Variants in WSCD2 observed in about 807,000 individuals in gnomAD.
The protein encoded by WSCD2 is WSC domain sialate O sulfotransferase 2, also known as sialate:O-sulfotransferase 2.
A neutral mutation model predicts 55.7 loss-of-function variants in WSCD2; 28 were observed. That is an observed-to-expected ratio of 0.50 (90% confidence interval 0.37 to 0.69). The LOEUF is 0.69. Among genes scored for constraint, WSCD2 ranks in the 30% least tolerant of loss-of-function variants. WSCD2 has a pLI of 0.00. For synonymous variants in WSCD2, 301 were observed against 301.9 expected (o/e 1.00, Z 0.03); for missense variants, 616 against 762.1 (o/e 0.81, Z 2.26).
chr12:108,240,262 C>T (rs1244805767), intron 7 of WSCD2, 82 bp from the exon 8 acceptor site: 33 of 1,544,762 alleles, frequency 2.1e-5, no homozygotes, highest in African/African-American at 2.7e-5. Context: ...TGAGGATTCC[C>T]GAGGTGGCCC....
intron 6 of WSCD2, among the ~76,000 whole-genome samples, chr12:108,230,610 CT>C (rs1888645706): frequency 6.6e-6 from 1 of 152,234 alleles, no homozygotes; most frequent in South Asian, 2.1e-4. Flanking sequence ...AAATCTAGGA[CT>C]TCACACCTCT....
chr12:108,195,863 T>G lies in WSCD2; in HGVS notation c.31T>G (p.Tyr11Asp), dbSNP rs1425227086. MAKLWFKFQR[Y>D]FRRKPVRFFT... ...CAAGCTCTGGTTCAAATTCCAGCGG[T>G]ACTTCCGCCGGAAACCTGTGCGCTT... The change falls in exon 2 of 9, where the codon TAC (tyrosine) becomes GAC (aspartate). Residue 11 changes from tyrosine (Y) to aspartate (D), a missense_variant. Tyr to Asp is a radical substitution (Grantham distance 160). Around this residue, in one of 3 missense-constraint regions of WSCD2, gnomAD observed 374 missense variants for 467.4 expected, o/e 0.80. Coordinates refer to ENST00000547525, the MANE Select transcript of WSCD2 (RefSeq NM_014653.4). 1 of 1,613,538 alleles carries G rather than the reference T, an allele frequency of 6.2e-7. No homozygotes were observed. The highest frequency in any genetic ancestry group is 8.5e-7 in the Non-Finnish European group (1 of 1,179,670).
intron 1 of WSCD2, among the ~76,000 whole-genome samples, chr12:108,182,333 C>T (rs1013280237): frequency 6.6e-5 from 10 of 152,138 alleles, no homozygotes; most frequent in Non-Finnish European, 1.0e-4. Context: ...TGGAAGGCAG[C>T]GAGGCATGAC....
intron 1 of WSCD2, among the ~76,000 whole-genome samples, chr12:108,179,837 C>T (rs1395630872): frequency 6.6e-6 from 1 of 152,124 alleles, no homozygotes; most frequent in Non-Finnish European, 1.5e-5. Context: ...ATAGCACTCG[C>T]CTTCTAGAGT....
intron 1 of WSCD2, among the ~76,000 whole-genome samples, chr12:108,182,821 T>C (rs1881958778): frequency 6.6e-6 from 1 of 151,934 alleles, no homozygotes; most frequent in Admixed American, 6.5e-5. Flanking sequence ...AGCATAACTT[T>C]TTCCTCCTTT....
intron 4 of WSCD2, among the ~76,000 whole-genome samples, chr12:108,218,104 T>A (rs1887062797): frequency 4.6e-5 from 7 of 152,176 alleles, no homozygotes; most frequent in Admixed American, 4.6e-4. Context: ...TACCTGCAGC[T>A]CACAAAGTTT....
At chr12:108,208,376 C>T (rs1885693168) in intron 3 of WSCD2, among the ~76,000 whole-genome samples, 1 of 152,114 alleles carries the variant, frequency 6.6e-6, no homozygotes, top group South Asian at 2.1e-4. Context: ...GATGAGGAAA[C>T]CAGGGTACAG....
Position 108,166,724 on chromosome 12 carries a change from TTC to T in WSCD2, c.-551-28554_-551-28553del, listed in dbSNP as rs774245792. On this transcript the variant is annotated intron_variant, in intron 1 of 8. Transcript: ENST00000547525. ...TTTCTTTCTTTCTTTCCCTCCTTCTTTCTCTTTCTTTCTTTCTTTCCTTCTTT... is the reference window on the plus strand; with the variant it reads ...TTTCTTTCTTTCTTTCCCTCCTTCTTTCTTTCTTTCTTTCTTTCCTTCTTT... Among the ~76,000 whole-genome samples, 270 of 119,252 alleles carry T rather than the reference TTC, an allele frequency of 2.3e-3. 1 individual carries two copies. The highest frequency in any genetic ancestry group is 4.1e-3 in the Middle Eastern group (1 of 244). The allele number at this position is 119,252 out of a possible 152,430, so 78.2% of individuals were successfully genotyped here.
chr12:108,229,168 C>A (rs552885180), intron 6 of WSCD2, among the ~76,000 whole-genome samples: 1 of 152,302 alleles, frequency 6.6e-6, no homozygotes, highest in African/African-American at 2.4e-5. Flanking sequence ...GCTCATCAGC[C>A]TGCCAAGAGC....
chr12:108,147,555 C>T (rs1877526323), intron 1 of WSCD2, among the ~76,000 whole-genome samples: 2 of 152,142 alleles, frequency 1.3e-5, no homozygotes, highest in South Asian at 2.1e-4. Flanking sequence ...CTGCCCTACT[C>T]ATTTATTCTT....
rs145510893 is a variant in WSCD2, at chr12:108,248,534, C to T, written c.*191C>T. The T allele has an allele frequency of 9.1e-5, 129 of 1,410,862 alleles. No individual in the cohort carries two copies. The African/African-American group carries it at 1.6e-3, about 17-fold the overall frequency. The allele number at this position is 1,410,862 out of a possible 1,614,324, so 87.4% of individuals were successfully genotyped here. On this transcript the variant is annotated 3_prime_UTR_variant, in exon 9 of 9. Coordinates refer to ENST00000547525, the MANE Select transcript of WSCD2 (RefSeq NM_014653.4). The surrounding 1 kb of genome is among the most constrained non-coding windows in gnomAD (Gnocchi z 4.3). ...AGGGAAGAGATTGCCCAGGCACTAC[C>T]ACTCTGCTCACATGTTCCCCCCTTG... is the stretch of plus-strand genomic sequence containing the variant.
chr12:108,147,051 G>T lies in WSCD2; in HGVS notation c.-552+17125G>T, dbSNP rs375803714. On this transcript the variant is annotated intron_variant, in intron 1 of 8. Coordinates refer to ENST00000547525, the MANE Select transcript of WSCD2 (RefSeq NM_014653.4). ...ATAATGAGAGTGACCAACTGGTTGC[G>T]GTTTGCCTAGGATTTTCCCACTTTT... is the stretch of plus-strand genomic sequence containing the variant. 7.1e-4 allele frequency among the ~76,000 whole-genome samples: 108 copies of T among 152,274 alleles called. 3 individuals are homozygous for T. In the South Asian group the frequency reaches 0.021, roughly 30 times the overall value.
chr12:108,183,625 C>T (rs368991193), intron 1 of WSCD2, among the ~76,000 whole-genome samples: 8 of 152,260 alleles, frequency 5.3e-5, no homozygotes, highest in African/African-American at 1.9e-4. Context: ...CTTGGGAACC[C>T]CTGTGCCTTC....
At chr12:108,166,696 T>C (rs1217414252) in intron 1 of WSCD2, among the ~76,000 whole-genome samples, 1 of 150,680 alleles carries the variant, frequency 6.6e-6, no homozygotes, top group African/African-American at 2.4e-5. Flanking sequence ...ATTTGCTGCA[T>C]TTTTTCTTTC....
intron 6 of WSCD2, among the ~76,000 whole-genome samples, chr12:108,229,274 G>T (rs960120304): frequency 6.6e-6 from 1 of 152,178 alleles, no homozygotes; most frequent in African/African-American, 2.4e-5. Context: ...TCTGTGCCAG[G>T]CTCTGTCAAA....
chr12:108,217,477 T>C (rs1167384916), intron 4 of WSCD2, among the ~76,000 whole-genome samples: 1 of 152,154 alleles, frequency 6.6e-6, no homozygotes, highest in East Asian at 1.9e-4. Flanking sequence ...CCGTGTGTAT[T>C]CTGTGTCCAG....
chr12:108,136,611 C>A (rs1876249360), intron 1 of WSCD2, among the ~76,000 whole-genome samples: 1 of 152,148 alleles, frequency 6.6e-6, no homozygotes, highest in African/African-American at 2.4e-5. Context: ...AGTTAAGGGA[C>A]CCCAGTCTCC....
intron 1 of WSCD2, among the ~76,000 whole-genome samples, chr12:108,153,744 C>T (rs1878251587): frequency 6.6e-6 from 1 of 152,208 alleles, no homozygotes; most frequent in African/African-American, 2.4e-5. Flanking sequence ...AATGTACGCC[C>T]TGACCATCCT....
At chr12:108,132,624 T>G (rs1048571399) in intron 1 of WSCD2, among the ~76,000 whole-genome samples, 1 of 152,042 alleles carries the variant, frequency 6.6e-6, no homozygotes, top group Non-Finnish European at 1.5e-5. Context: ...TGTATATATG[T>G]GAGTCATGTG....
Sources: gnomAD v4.1 joint callset for allele counts (sites outside exome capture counted in the v4.1 genomes callset) on GRCh38, gnomAD v4.1.1 for gene constraint, gnomAD v4.1.1 regional missense constraint, Gnocchi (gnomAD v3.1) non-coding constraint, MANE v1.5 for transcripts, NCBI Gene and HGNC (gene_info 2026-07-23, HGNC 2026-07-21) for gene names.